The following DOCK6 variants were observed in gnomAD, a reference collection of about 807,000 sequenced individuals.
The protein encoded by DOCK6 is dedicator of cytokinesis protein 6.
Under a neutral mutation model 230.3 loss-of-function variants are expected in DOCK6, and 167 were observed. The observed-to-expected ratio is 0.73, with a 90% CI of 0.64 to 0.82. DOCK6 has a LOEUF of 0.82. DOCK6 is among the 40% of genes least tolerant of loss of function. The pLI, the probability that DOCK6 is intolerant of heterozygous loss-of-function variation, is 0.00. For missense variants in DOCK6, 2,598 were observed against 2,825.8 expected, an observed-to-expected ratio of 0.92 and a Z score of 1.83; for synonymous variants, 1,148 against 1,185.0, an observed-to-expected ratio of 0.97 and a Z score of 0.64.
In DOCK6 at chr19:11,262,459, C is replaced by G; in HGVS notation, c.-19G>C. 1 of 1,173,830 alleles carries G rather than the reference C, an allele frequency of 8.5e-7. No individual in the cohort carries two copies. Among genetic ancestry groups the G allele is most frequent in the East Asian group, 3.7e-5 (1 of 26,930 alleles). The allele number at this position is 1,173,830 out of a possible 1,614,324, so 72.7% of individuals were successfully genotyped here. A position where few individuals can be genotyped will look rare whatever the true frequency, so the allele number is the denominator to read the frequency against. On this transcript the variant is annotated 5_prime_UTR_variant, in exon 1 of 48. Coordinates refer to ENST00000294618, the MANE Select transcript of DOCK6 (RefSeq NM_020812.4). ...CAGCCATGGTCCTCGCGTCCCGCCG[C>G]CGCCGCCCCGGGCCCCGGCCCCGCC...
intron 24 of DOCK6, among the ~76,000 whole-genome samples, chr19:11,224,880 T>C (rs903575880): frequency 7.9e-5 from 12 of 151,822 alleles, no homozygotes; most frequent in African/African-American, 2.9e-4. Context: ...CTGGCCAATA[T>C]GGTGAAACCC....
chr19:11,208,220 A>T (rs545038582), intron 39 of DOCK6: 1 of 155,520 alleles, frequency 6.4e-6, no homozygotes, highest in East Asian at 1.9e-4. Context: ...GCCTGCATCA[A>T]GGGTCTCATG....
Position 11,236,277 on chromosome 19 carries a change from C to T in DOCK6, c.2392+69G>A. On this transcript the variant is annotated intron_variant, in intron 20 of 47. Transcript: ENST00000294618. This position sits in a 1 kb window ranked among gnomAD's most constrained non-coding sequence, Gnocchi z 5.2. ...AGAGGTAAATGGGCTTATAGAAGAT[C>T]CCTCAGGACCTCAGGACTGAGAAGC... The T allele has an allele frequency of 7.3e-7, 1 of 1,378,976 alleles. No individual in the cohort carries two copies. The highest frequency in any genetic ancestry group is 9.8e-7 in the Non-Finnish European group (1 of 1,016,134). 85.4% of individuals were successfully genotyped at this position (1,378,976 alleles called of 1,614,324 possible).
In DOCK6 at chr19:11,253,675, G is replaced by A. The variant is rs1251679138; in HGVS notation, c.96C>T (p.Ser32=). ...RKQVSRERSG[S]PHSSRRCSSS... The stretch of plus-strand genomic sequence containing the variant: ...TGCTGCAGCGCCTGCTGGAGTGGGG[G>A]GAGCCACTGCGTTCCCGGGACACCT... The change falls in exon 2 of 48, where the codon TCC becomes TCT. Residue 32 remains serine (S), a synonymous_variant. Coordinates refer to ENST00000294618, the MANE Select transcript of DOCK6 (RefSeq NM_020812.4). 2.0e-6 allele frequency: 3 copies of A among 1,465,638 alleles called. No homozygotes were observed. Among genetic ancestry groups the A allele is most frequent in the Non-Finnish European group, 2.7e-6 (3 of 1,115,360 alleles). 90.8% of individuals were successfully genotyped at this position (1,465,638 alleles called of 1,614,324 possible). A position where few individuals can be genotyped will look rare whatever the true frequency, so the allele number is the denominator to read the frequency against.
chr19:11,243,661 G>C lies in DOCK6; in HGVS notation c.1154C>G (p.Thr385Ser). The change falls in exon 11 of 48, where the codon ACC becomes AGC. Residue 385 changes from threonine (T) to serine (S), a missense_variant. By Grantham distance (58) the Thr-to-Ser change is moderately conservative (BLOSUM62 1). Transcript: ENST00000294618. The surrounding 1 kb of genome is among the most constrained non-coding windows in gnomAD (Gnocchi z 6.3). ...KLRLAAEQFC[T>S]RLGRYRMPFA... ...GGGCATGCGGTAGCGGCCCAGGCGG[G>C]TGCAGAACTGCTCGGCCGCCAGGCG... The C allele has an allele frequency of 6.2e-7, 1 of 1,613,020 alleles. No individual in the cohort carries two copies. Among genetic ancestry groups the C allele is most frequent in the Non-Finnish European group, 8.5e-7 (1 of 1,179,756 alleles).
intron 1 of DOCK6, among the ~76,000 whole-genome samples, chr19:11,258,106 A>G (rs1054640943): frequency 6.6e-6 from 1 of 152,234 alleles, no homozygotes; most frequent in Admixed American, 6.5e-5. Flanking sequence ...AGTGAAACTC[A>G]CATGTTCACT....
intron 24 of DOCK6, among the ~76,000 whole-genome samples, chr19:11,227,037 A>G (rs1233441100): frequency 6.6e-6 from 1 of 152,134 alleles, no homozygotes; most frequent in Non-Finnish European, 1.5e-5. Context: ...CCCTGCCTGG[A>G]ATGCTCTTTC....
intron 14 of DOCK6, chr19:11,239,641 C>T: frequency 6.2e-7 from 1 of 1,613,740 alleles, no homozygotes; most frequent in South Asian, 1.1e-5. Context: ...CTCAGTCATG[C>T]CAGTGCCTGC....
In DOCK6 at chr19:11,221,983, G is replaced by A; in HGVS notation, c.3418C>T (p.His1140Tyr). The change falls in exon 28 of 48, where the codon CAC becomes TAC. Residue 1140 changes from histidine (H) to tyrosine (Y), a missense_variant. By Grantham distance (83) the His-to-Tyr change is moderately conservative. Transcript: ENST00000294618. ...GTGTCATGGCCACATAGCAGGCTGT[G>A]CACAGCACTGATGGCCTTCTTGTGC... ...LLHKKAISAV[H>Y]SLLCGHDTDP... The A allele has an allele frequency of 6.2e-7, 1 of 1,613,530 alleles. No individual in the cohort carries two copies. The highest frequency in any genetic ancestry group is 8.5e-7 in the Non-Finnish European group (1 of 1,179,560).
At chr19:11,249,574 T>C (rs1479320831) in intron 6 of DOCK6, among the ~76,000 whole-genome samples, 2 of 150,448 alleles carry the variant, frequency 1.3e-5, no homozygotes, top group Admixed American at 6.7e-5. Context: ...TGGATAAATA[T>C]AGGAGTATAT....
At chr19:11,216,889 T>C (rs2079497057) in intron 30 of DOCK6, 25 bp downstream of exon 30, 2 of 1,611,778 alleles carry the variant, frequency 1.2e-6, no homozygotes, top group Non-Finnish European at 1.7e-6. Flanking sequence ...GCCTCCTCCA[T>C]CATCTCCTGC....
At position 11,237,536 on chromosome 19, in the gene DOCK6, C is replaced by T. The variant is rs17001264; in HGVS notation, c.1993G>A (p.Gly665Arg). The change falls in exon 18 of 48, where the codon GGG becomes AGG. Residue 665 changes from glycine to arginine, a missense_variant. Gly to Arg is a moderately radical substitution (Grantham distance 125). Transcript: ENST00000294618. ...CAGAAGGGGCCGGTCCTCAGGCGCC[C>T]GTGCTGCAGCAGTGGGATCCACTGG... Reference protein sequence around the residue: ...GFTWIPLLQHGRLRTGPFCLP... With the variant: ...GFTWIPLLQHRRLRTGPFCLP... 8.9e-4 allele frequency: 1,404 copies of T among 1,575,510 alleles called. 3 individuals are homozygous for T. Among genetic ancestry groups the T allele is most frequent in the Non-Finnish European group, 4.0e-4 (466 of 1,158,360 alleles).
chr19:11,247,616 G>C (rs1234047115), intron 7 of DOCK6: 1 of 157,122 alleles, frequency 6.4e-6, no homozygotes, highest in African/African-American at 2.4e-5. Flanking sequence ...CCCGGGGGCT[G>C]GTGTGGAGGG....
chr19:11,230,365 G>C (rs545999175), intron 22 of DOCK6, among the ~76,000 whole-genome samples: 1 of 152,242 alleles, frequency 6.6e-6, no homozygotes, highest in South Asian at 2.1e-4. Context: ...TGATGGAGGA[G>C]GTGAGAATAA....
rs2147744513 is a variant in DOCK6 at position 11,212,020 on chromosome 19, C to T, written c.4623G>A (p.Gly1541=). Residue 1541 remains glycine, a synonymous_variant, in exon 36 of 48, where the codon GGG becomes GGA. Transcript: ENST00000294618. Reference sequence around the variant, plus strand: ...GCTCTGCGAAGGTGCTGTCCCGCAGCCCCATGTCCTCCTCAGCATAGGTGA... The same window carrying T: ...GCTCTGCGAAGGTGCTGTCCCGCAGTCCCATGTCCTCCTCAGCATAGGTGA... The part of the protein sequence containing the change: ...TILTYAEEDM[G]LRDSTFAEQV... The T allele has an allele frequency of 6.2e-7, 1 of 1,608,558 alleles. No individual in the cohort carries two copies. The highest frequency in any genetic ancestry group is 1.3e-5 in the African/African-American group (1 of 74,960).
At chr19:11,260,755 C>T (rs1036225781) in intron 1 of DOCK6, among the ~76,000 whole-genome samples, 2 of 150,382 alleles carry the variant, frequency 1.3e-5, no homozygotes, top group South Asian at 2.1e-4. Context: ...TGGTAGTGGG[C>T]GCCTGTAACC....
intron 24 of DOCK6, among the ~76,000 whole-genome samples, chr19:11,226,637 A>C (rs2079668737): frequency 6.6e-6 from 1 of 152,228 alleles, no homozygotes; most frequent in Non-Finnish European, 1.5e-5. Context: ...CAGCCTGGAC[A>C]ACAAGAGTGA....
intron 23 of DOCK6, among the ~76,000 whole-genome samples, chr19:11,227,979 A>T (rs902855576): frequency 5.5e-5 from 8 of 146,176 alleles, no homozygotes; most frequent in Admixed American, 6.8e-5. Context: ...AGTTTTAGGG[A>T]TGTGTCTTAC....
At chr19:11,247,970 C>T (rs1218334544) in intron 7 of DOCK6, 96 bp downstream of exon 7, 1 of 1,093,506 alleles carries the variant, frequency 9.1e-7, no homozygotes, top group Non-Finnish European at 1.4e-6. Flanking sequence ...GACAGGGCCG[C>T]ACACGGTAAT....
Sources: gnomAD v4.1 joint callset for allele counts (sites outside exome capture counted in the v4.1 genomes callset) on GRCh38, gnomAD v4.1.1 for gene constraint, Gnocchi (gnomAD v3.1) non-coding constraint, MANE v1.5 for transcripts, NCBI Gene and HGNC (gene_info 2026-07-23, HGNC 2026-07-21) for gene names.